LPP: variants seen among roughly 807,000 people sequenced by gnomAD.
LPP encodes lipoma-preferred partner.
In LPP, 38 loss-of-function variants were observed where a neutral mutation model predicts 60.4. That is an observed-to-expected ratio of 0.63 (90% CI 0.49 to 0.83). LPP has a LOEUF of 0.83. Among genes scored for constraint, LPP ranks in the 40% least tolerant of loss-of-function variants. The probability of loss-of-function intolerance (pLI) is 0.00; values close to 1 mark genes in which losing one functional copy is unlikely to be tolerated. For synonymous variants in LPP, 328 were observed against 290.8 expected (o/e 1.13, Z -1.30); for missense variants, 902 against 783.6 (o/e 1.15, Z -1.80).
chr3:188,781,683 A>T (rs537729628), intron 9 of LPP, among the ~76,000 whole-genome samples: 1 of 151,860 alleles, frequency 6.6e-6, no homozygotes, highest in East Asian at 1.9e-4. Context: ...GGAGATCGAG[A>T]TCATCCTGGC....
intron 9 of LPP, among the ~76,000 whole-genome samples, chr3:188,766,910 A>T (rs1734333013): frequency 6.6e-6 from 1 of 152,204 alleles, no homozygotes; most frequent in Non-Finnish European, 1.5e-5. Flanking sequence ...ATGTGGTTAC[A>T]TACACACACA....
intron 3 of LPP, among the ~76,000 whole-genome samples, chr3:188,360,892 T>A (rs908769824): frequency 2.0e-5 from 3 of 152,200 alleles, no homozygotes; most frequent in African/African-American, 7.2e-5. Flanking sequence ...TCCATTTCCT[T>A]GTACTGCAGA....
At chr3:188,313,911 A>G (rs1451721486) in intron 2 of LPP, among the ~76,000 whole-genome samples, 1 of 152,032 alleles carries the variant, frequency 6.6e-6, no homozygotes, top group African/African-American at 2.4e-5. Context: ...TTTCTATTTC[A>G]TTTAATTATA....
intron 6 of LPP, among the ~76,000 whole-genome samples, chr3:188,603,415 G>T (rs536580081): frequency 1.6e-3 from 239 of 151,656 alleles, no homozygotes; most frequent in Non-Finnish European, 2.2e-3. Context: ...GAGGTGGATG[G>T]TTTTTAAAAC....
chr3:188,842,774 T>A (rs531472478), intron 9 of LPP, among the ~76,000 whole-genome samples: 1 of 152,226 alleles, frequency 6.6e-6, no homozygotes, highest in East Asian at 1.9e-4. Flanking sequence ...GAGGCCTAAT[T>A]TACATGCAAT....
Position 188,879,285 on chromosome 3 carries a change from CTCT to C in LPP, c.*4811_*4813del, listed in dbSNP as rs1429107811. 1.3e-5 allele frequency: 3 copies of C among 228,724 alleles called. No homozygotes were observed. Among genetic ancestry groups the C allele is most frequent in the African/African-American group, 6.7e-5 (3 of 45,106 alleles). The allele number at this position is 228,724 out of a possible 1,614,324, so 14.2% of individuals were successfully genotyped here. On this transcript the variant is annotated 3_prime_UTR_variant, in exon 12 of 12. Transcript: ENST00000617246. ...CTTCCTTTCTTCCTCTTCCTTCCTC[CTCT>C]TCTTATTTTCTTTCCTACTTTCCAT... is the stretch of plus-strand genomic sequence containing the variant.
intron 3 of LPP, among the ~76,000 whole-genome samples, chr3:188,371,641 ATTTTTTTTTTTTTT>A (rs1158606459): frequency 0.014 from 460 of 32,082 alleles, 14 homozygotes; most frequent in African/African-American, 0.051. Context: ...ATATATATAT[ATTTTTTTTTTTTTT>A]TTTTTTTTTT....
rs140308980 is a variant in LPP at position 188,317,718 on chromosome 3, A to C, written c.-66-23945A>C. 4.7e-3 allele frequency among the ~76,000 whole-genome samples: 712 copies of C among 152,268 alleles called. 3 individuals carry two copies. The highest frequency in any genetic ancestry group is 0.016 in the African/African-American group (653 of 41,546). Reference sequence around the variant, plus strand: ...CTGTTGTATTGGGCAGGGTCAGGGCAGATAAAGGACCAAAATAATGCCTGA... The same window carrying C: ...CTGTTGTATTGGGCAGGGTCAGGGCCGATAAAGGACCAAAATAATGCCTGA... On this transcript the variant is annotated intron_variant, in intron 2 of 11. Transcript: ENST00000617246.
chr3:188,743,926 C>A (rs1000112586), intron 8 of LPP: 1 of 151,904 alleles, frequency 6.6e-6, no homozygotes, highest in Non-Finnish European at 1.5e-5. Flanking sequence ...GTTTGGCATG[C>A]GTCTTCTTTC....
At chr3:188,423,646 C>A (rs1788483961) in intron 4 of LPP, among the ~76,000 whole-genome samples, 2 of 152,162 alleles carry the variant, frequency 1.3e-5, no homozygotes, top group South Asian at 4.1e-4. Context: ...TTCTAACTGG[C>A]ATGAGATGGT....
chr3:188,629,809 T>G (rs1027315891), intron 7 of LPP, among the ~76,000 whole-genome samples: 1 of 152,112 alleles, frequency 6.6e-6, no homozygotes, highest in African/African-American at 2.4e-5. Flanking sequence ...GCCAGAGTCA[T>G]CACAGTACCT....
At chr3:188,718,108 C>A (rs1324091416) in intron 8 of LPP, among the ~76,000 whole-genome samples, 1 of 152,218 alleles carries the variant, frequency 6.6e-6, no homozygotes, top group African/African-American at 2.4e-5. Flanking sequence ...AGGCGTGAGC[C>A]ACTGCACCCG....
chr3:188,564,926 G>A (rs1162897503), intron 6 of LPP, among the ~76,000 whole-genome samples: 1 of 151,916 alleles, frequency 6.6e-6, no homozygotes, highest in African/African-American at 2.4e-5. Context: ...TTCGTTATAT[G>A]ATGTCCTCCT....
intron 2 of LPP, among the ~76,000 whole-genome samples, chr3:188,264,465 T>C (rs1029509640): frequency 6.6e-6 from 1 of 152,060 alleles, no homozygotes; most frequent in Non-Finnish European, 1.5e-5. Context: ...TCATAAAGCA[T>C]TTGCTCTGAG....
At chr3:188,525,032 T>C (rs527900938) in intron 6 of LPP, among the ~76,000 whole-genome samples, 7 of 145,122 alleles carry the variant, frequency 4.8e-5, no homozygotes, top group Admixed American at 3.6e-4. Flanking sequence ...AATGGCACAA[T>C]CTTGTCTCAC....
chr3:188,460,877 T>C (rs555899693), intron 4 of LPP, among the ~76,000 whole-genome samples: 1 of 152,252 alleles, frequency 6.6e-6, no homozygotes, highest in Admixed American at 6.5e-5. Flanking sequence ...GCTTGTAGAC[T>C]TAGTATTCAA....
At chr3:188,467,164 G>GA (rs1800692080) in intron 4 of LPP, among the ~76,000 whole-genome samples, 1 of 151,764 alleles carries the variant, frequency 6.6e-6, no homozygotes, top group Non-Finnish European at 1.5e-5. Flanking sequence ...TCTTAACTCA[G>GA]ACTTGCTTCC....
intron 2 of LPP, among the ~76,000 whole-genome samples, chr3:188,329,070 TTAG>T (rs1272739849): frequency 1.3e-5 from 2 of 152,182 alleles, no homozygotes; most frequent in Non-Finnish European, 1.5e-5. Context: ...AAACGGCTTC[TTAG>T]TATGATTATG....
intron 5 of LPP, among the ~76,000 whole-genome samples, chr3:188,518,427 C>T (rs768312251): frequency 6.6e-6 from 1 of 152,106 alleles, no homozygotes; most frequent in Non-Finnish European, 1.5e-5. Context: ...TAAATTAAGA[C>T]AGTTTTATAT....
Sources: allele counts gnomAD v4.1 joint callset (sites outside exome capture counted in the v4.1 genomes callset), GRCh38; gene constraint gnomAD v4.1.1; transcripts MANE v1.5; gene names NCBI Gene and HGNC (gene_info 2026-07-23, HGNC 2026-07-21).